Variants in UNC79 observed in about 807,000 individuals in gnomAD.
UNC79 encodes protein unc-79 homolog.
Under a neutral mutation model 283.1 loss-of-function variants are expected in UNC79, and 37 were observed. The ratio of observed to expected loss-of-function variants is 0.13; its 90% CI spans 0.10 to 0.17. The LOEUF is 0.17. Among genes scored for constraint, UNC79 ranks in the 10% least tolerant of loss-of-function variants. The pLI is 1.00. For missense variants in UNC79, 2,272 were observed against 3,211.1 expected (o/e 0.71, Z 7.07); for synonymous variants, 1,107 against 1,200.2 (o/e 0.92, Z 1.61).
chr14:93,494,026 C>T (rs1466290197), intron 5 of UNC79, among the ~76,000 whole-genome samples: 2 of 150,994 alleles, frequency 1.3e-5, no homozygotes, highest in East Asian at 2.0e-4. Context: ...GCCTCAGCCT[C>T]CCAAGTAGCT....
Position 93,523,960 on chromosome 14 carries a change from C to T in UNC79, c.899-18C>T, listed in dbSNP as rs2060436609. 1 of 1,613,284 alleles carries T rather than the reference C, an allele frequency of 6.2e-7. No individual in the cohort carries two copies. Among genetic ancestry groups the T allele is most frequent in the Non-Finnish European group, 8.5e-7 (1 of 1,179,458 alleles). On this transcript the variant is annotated intron_variant, in intron 7 of 48. Coordinates refer to ENST00000555664, the Ensembl canonical transcript of UNC79. ...AATTTCAATGAGAAGTATTCATCAG[C>T]TGTGCTTTACTTTACAGCTTGGAAT...
At chr14:93,629,363 G>T (rs1019744281) in intron 30 of UNC79, among the ~76,000 whole-genome samples, 2 of 152,210 alleles carry the variant, frequency 1.3e-5, no homozygotes, top group Non-Finnish European at 2.9e-5. Context: ...GCCAGTAAGG[G>T]TAAGAGAGAT....
At chr14:93,641,413 A>G (rs932255369) in intron 33 of UNC79, among the ~76,000 whole-genome samples, 166 bp downstream of exon 36, 7 of 152,166 alleles carry the variant, frequency 4.6e-5, no homozygotes, top group African/African-American at 1.7e-4. Context: ...ATGATAAAGA[A>G]TAACCAAAGC....
chr14:93,477,607 C>T (rs1566972557), exon 4 of UNC79: 1 of 1,610,824 alleles, frequency 6.2e-7, no homozygotes, highest in Non-Finnish European at 8.5e-7. Context: ...TACCTTTTCT[C>T]AATGATGATA....
At chr14:93,373,847 A>G (rs6575330) in intron 1 of UNC79, among the ~76,000 whole-genome samples, 91,246 of 152,072 alleles carry the variant, frequency 0.6, 27,860 homozygotes, top group Admixed American at 0.67. Context: ...TAGATGCAAA[A>G]AACTGCAACA....
At position 93,597,225 on chromosome 14, in the gene UNC79, G is replaced by A. The variant is rs1001867357; in HGVS notation, c.3191-134G>A. 5 of 877,210 alleles carry A rather than the reference G, an allele frequency of 5.7e-6. No individual in the cohort carries two copies. The African/African-American group carries it at 8.4e-5, about 15-fold the overall frequency. 54.3% of individuals were successfully genotyped at this position (877,210 alleles called of 1,614,324 possible). A position where few individuals can be genotyped will look rare whatever the true frequency, so the allele number is the denominator to read the frequency against. ...TTAGACTTTCCTGTTGGGATTTAAAGTAAACCATGCGGGAGACCCAGAGTT... is the reference window on the plus strand; with the variant it reads ...TTAGACTTTCCTGTTGGGATTTAAAATAAACCATGCGGGAGACCCAGAGTT... On this transcript the variant is annotated intron_variant, in intron 23 of 48. Coordinates refer to ENST00000555664, the Ensembl canonical transcript of UNC79.
intron 1 of UNC79, among the ~76,000 whole-genome samples, chr14:93,373,721 T>C (rs1595400657): frequency 6.6e-6 from 1 of 152,178 alleles, no homozygotes; most frequent in East Asian, 1.9e-4. Flanking sequence ...TTCCAGAAGA[T>C]AGAAGAAGGA....
At chr14:93,405,450 C>A (rs1252843926) in intron 1 of UNC79, among the ~76,000 whole-genome samples, 1 of 151,866 alleles carries the variant, frequency 6.6e-6, no homozygotes, top group Non-Finnish European at 1.5e-5. Flanking sequence ...CTAAGTCAAG[C>A]ATATAAAAAA....
intron 1 of UNC79, among the ~76,000 whole-genome samples, chr14:93,434,810 A>G (rs537027807): frequency 6.6e-6 from 1 of 152,370 alleles, no homozygotes; most frequent in African/African-American, 2.4e-5. Flanking sequence ...GCACATAATG[A>G]GGACTTAATA....
chr14:93,655,132 T>G, intron 37 of UNC79, 102 bp from the exon 41 acceptor site: 1 of 1,364,018 alleles, frequency 7.3e-7, no homozygotes, highest in Non-Finnish European at 1.0e-6. Context: ...CTGAACACGT[T>G]TATAGCCTGA....
chr14:93,344,218 CACTTT>C (rs1353102835), intron 1 of UNC79, among the ~76,000 whole-genome samples: 2 of 152,210 alleles, frequency 1.3e-5, no homozygotes, highest in African/African-American at 2.4e-5. Flanking sequence ...GGCTCTTTCT[CACTTT>C]ACTTCAGAAT....
intron 32 of UNC79, among the ~76,000 whole-genome samples, chr14:93,639,699 G>T (rs906875807): frequency 6.6e-6 from 1 of 152,140 alleles, no homozygotes; most frequent in Admixed American, 6.5e-5. Context: ...TCTTATACTC[G>T]TGTAACCTTT....
intron 26 of UNC79, among the ~76,000 whole-genome samples, chr14:93,608,418 T>A (rs941356921): frequency 6.6e-6 from 1 of 152,004 alleles, no homozygotes; most frequent in African/African-American, 2.4e-5. Context: ...GCTTGATTGG[T>A]GGATGAGACA....
intron 26 of UNC79, among the ~76,000 whole-genome samples, chr14:93,604,447 T>G (rs1231519897): frequency 6.6e-6 from 1 of 152,196 alleles, no homozygotes; most frequent in Non-Finnish European, 1.5e-5. Context: ...TGAAAGTTCT[T>G]TAAGTAATCA....
chr14:93,510,533 A>G (rs2059769263), intron 7 of UNC79, among the ~76,000 whole-genome samples: 4 of 152,238 alleles, frequency 2.6e-5, no homozygotes, highest in African/African-American at 9.6e-5. Context: ...TTTGCTGCTT[A>G]GAAATTTCTT....
chr14:93,427,866 A>C (rs1183692758), upstream of UNC79, among the ~76,000 whole-genome samples: 1 of 152,206 alleles, frequency 6.6e-6, no homozygotes, highest in Non-Finnish European at 1.5e-5. Context: ...ATGCAACATG[A>C]CAAAATATTA....
At chr14:93,344,271 C>T (rs369507783) in intron 1 of UNC79, among the ~76,000 whole-genome samples, 3 of 151,998 alleles carry the variant, frequency 2.0e-5, no homozygotes, top group Non-Finnish European at 2.9e-5. Context: ...GGGGTATTAC[C>T]CAAAGAAAAA....
At chr14:93,349,251 C>T (rs1171095569) in intron 1 of UNC79, among the ~76,000 whole-genome samples, 1 of 152,214 alleles carries the variant, frequency 6.6e-6, no homozygotes, top group South Asian at 2.1e-4. Context: ...AAGTGATTAA[C>T]AGCAGATATA....
intron 1 of UNC79, among the ~76,000 whole-genome samples, chr14:93,440,457 T>C (rs1046641709): frequency 2.6e-5 from 4 of 152,044 alleles, no homozygotes; most frequent in Non-Finnish European, 4.4e-5. Context: ...TTATTATTAA[T>C]TTCTGATTAT....
Sources: gnomAD v4.1 joint callset for allele counts (sites outside exome capture counted in the v4.1 genomes callset) on GRCh38, gnomAD v4.1.1 for gene constraint, MANE v1.5 for transcripts, NCBI Gene and HGNC (gene_info 2026-07-23, HGNC 2026-07-21) for gene names.